Variants in MEFV observed in about 807,000 individuals in gnomAD.
The protein encoded by MEFV is MEFV innate immunity regulator, pyrin, also known as pyrin.
Under a neutral mutation model 62.5 loss-of-function variants are expected in MEFV, and 60 were observed. That is an observed-to-expected ratio of 0.96 (90% CI 0.78 to 1.19). The LOEUF is 1.19. Ranked by LOEUF, MEFV falls within the 50% of genes most tolerant of loss-of-function variation. The pLI is 0.00. For synonymous variants in MEFV, 500 were observed against 415.2 expected (o/e 1.20, Z -2.48); for missense variants, 1,169 against 1,004.5 (o/e 1.16, Z -2.21).
chr16:3,251,001 G>A, intron 2 of MEFV, among the ~76,000 whole-genome samples: 1 of 143,242 alleles, frequency 7.0e-6, no homozygotes, highest in East Asian at 2.0e-4. Flanking sequence ...TCCAGTCTGG[G>A]TGACCAAGAG....
At chr16:3,246,939 C>G (rs1596352542) in intron 5 of MEFV, 77 bp downstream of exon 5, 1 of 1,392,726 alleles carries the variant, frequency 7.2e-7, no homozygotes, top group Non-Finnish European at 1.0e-6. Context: ...TCCAGCACGG[C>G]TGATGGCAGA....
intron 4 of MEFV, chr16:3,247,471 A>G (rs900196152): frequency 3.4e-6 from 2 of 580,452 alleles, no homozygotes; most frequent in African/African-American, 1.9e-5. Context: ...ACCTGGTGTT[A>G]AGGTTTAACT....
intron 2 of MEFV, among the ~76,000 whole-genome samples, chr16:3,250,016 G>C (rs954035112): frequency 1.3e-5 from 2 of 152,232 alleles, no homozygotes; most frequent in Admixed American, 6.5e-5. Flanking sequence ...GAATTCTTGG[G>C]CATTTATCCT....
At chr16:3,247,324 A>G (rs1366465164) in intron 4 of MEFV, 78 bp from the exon 5 acceptor site, 5 of 1,318,524 alleles carry the variant, frequency 3.8e-6, no homozygotes. Flanking sequence ...CCAGAAGCCC[A>G]CCTCCTGGAG....
rs778286164 is a variant in MEFV, at chr16:3,243,357, T to C, written c.2130A>G (p.Leu710=). The stretch of plus-strand genomic sequence containing the variant: ...CCACACGCTTGGGAGGCTCCTTTAT[T>C]AGCAGGCGGGTCGGGGGAACGCTGG... ...QASSVPPTRL[L]IKEPPKRVGI... is the part of the protein sequence containing the mutation. Residue 710 remains leucine (L), a synonymous_variant, in exon 10 of 10, where the codon CTA becomes CTG. Transcript: ENST00000219596. 1 of 1,614,188 alleles carries C rather than the reference T, an allele frequency of 6.2e-7. No individual in the cohort carries two copies. The highest frequency in any genetic ancestry group is 8.5e-7 in the Non-Finnish European group (1 of 1,180,040).
Position 3,242,778 on chromosome 16 carries a change from G to A in MEFV, c.*363C>T, listed in dbSNP as rs1958875449. The A allele has an allele frequency of 5.7e-6, 2 of 348,926 alleles. No homozygotes were observed. The highest frequency in any genetic ancestry group is 8.2e-5 in the Admixed American group (2 of 24,312). 21.6% of individuals were successfully genotyped at this position (348,926 alleles called of 1,614,324 possible). Reference sequence around the variant, plus strand: ...CTAGGCTTCCCATATCCTCAAGACAGAAGCAGAGAGAACAAGGGGACATAT... The same window carrying A: ...CTAGGCTTCCCATATCCTCAAGACAAAAGCAGAGAGAACAAGGGGACATAT... On this transcript the variant is annotated 3_prime_UTR_variant, in exon 10 of 10. Transcript: ENST00000219596.
chr16:3,255,081 C>T (rs1596359016), intron 1 of MEFV, among the ~76,000 whole-genome samples: 1 of 152,300 alleles, frequency 6.6e-6, no homozygotes, highest in East Asian at 1.9e-4. Flanking sequence ...TCTCCAGAGG[C>T]CAAGGTGGGA....
intron 5 of MEFV, 82 bp downstream of exon 5, chr16:3,246,934 C>G: frequency 7.4e-7 from 1 of 1,354,752 alleles, no homozygotes; most frequent in East Asian, 2.3e-5. Context: ...CTTGTTCCAG[C>G]ACGGCTGATG....
chr16:3,245,609 G>A (rs1958930383), intron 6 of MEFV, among the ~76,000 whole-genome samples: 1 of 152,050 alleles, frequency 6.6e-6, no homozygotes, highest in Admixed American at 6.6e-5. Flanking sequence ...ACTCCAGCCT[G>A]GATGACAGAG....
At chr16:3,252,523 A>C (rs543633161) in intron 2 of MEFV, among the ~76,000 whole-genome samples, 11 of 151,782 alleles carry the variant, frequency 7.2e-5, no homozygotes, top group Non-Finnish European at 1.3e-4. Flanking sequence ...ATCCGCCCCC[A>C]TTGGCCTCCC....
chr16:3,253,371 C>A (rs1959065809), intron 2 of MEFV, among the ~76,000 whole-genome samples: 1 of 152,160 alleles, frequency 6.6e-6, no homozygotes, highest in African/African-American at 2.4e-5. Context: ...TATCTCCCTT[C>A]CCCTCCCTGG....
chr16:3,256,424 G>T lies in MEFV; in HGVS notation c.164C>A (p.Thr55Asn), dbSNP rs757933176. The T allele has an allele frequency of 6.2e-7, 1 of 1,614,254 alleles. No homozygotes were observed. The highest frequency in any genetic ancestry group is 1.1e-5 in the South Asian group (1 of 91,090). The change falls in exon 1 of 10, where the codon ACT (threonine) becomes AAT (asparagine). Residue 55 changes from threonine (T) to asparagine (N), a missense_variant. Thr to Asn is a moderately conservative substitution (Grantham distance 65). Coordinates refer to ENST00000219596, the MANE Select transcript of MEFV (RefSeq NM_000243.3). ...IQRARPVKMA[T>N]LLVTYYGEEY... ...TTCCCCATAGTAGGTGACCAGCAGAGTGGCCATCTTCACCGGCCTGGCTCT... is the reference window on the plus strand; with the variant it reads ...TTCCCCATAGTAGGTGACCAGCAGATTGGCCATCTTCACCGGCCTGGCTCT...
At chr16:3,247,384 G>A (rs906666624) in intron 4 of MEFV, 138 bp from the exon 5 acceptor site, 2 of 675,588 alleles carry the variant, frequency 3.0e-6, no homozygotes, top group African/African-American at 3.6e-5. Context: ...AGATTCCAGA[G>A]CAGGAGGCGA....
intron 2 of MEFV, among the ~76,000 whole-genome samples, 200 bp downstream of exon 2, chr16:3,253,958 T>C (rs1220690877): frequency 5.3e-5 from 8 of 151,960 alleles, no homozygotes; most frequent in African/African-American, 9.7e-5. Flanking sequence ...GCCCAACCTT[T>C]GGGTTTTTAT....
rs1226746393 is a variant in MEFV at position 3,254,575 on chromosome 16, C to A, written c.493G>T (p.Ala165Ser). The change falls in exon 2 of 10, where the codon GCC becomes TCC. Residue 165 changes from alanine to serine, a missense_variant. Coordinates refer to ENST00000219596, the MANE Select transcript of MEFV (RefSeq NM_000243.3). The part of the protein sequence containing the change: ...RKPLSKRREK[A>S]SEGLDAQGKP... Reference sequence around the variant, plus strand: ...CCCTGCGCGTCCAGGCCCTCCGAGGCCTTCTCTCTGCGTTTGCTCAGGGGC... The same window carrying A: ...CCCTGCGCGTCCAGGCCCTCCGAGGACTTCTCTCTGCGTTTGCTCAGGGGC... 4 of 1,582,748 alleles carry A rather than the reference C, an allele frequency of 2.5e-6. No individual in the cohort carries two copies. In the Admixed American group the frequency reaches 5.4e-5, roughly 21 times the overall value.
At chr16:3,248,687 G>A (rs552334764) in intron 4 of MEFV, 12 of 1,379,434 alleles carry the variant, frequency 8.7e-6, no homozygotes, top group Non-Finnish European at 1.1e-5. Context: ...TGGTGAGTAT[G>A]AGAAAGCATG....
At chr16:3,252,051 TAAAAA>T in intron 2 of MEFV, 3 of 263,780 alleles carry the variant, frequency 1.1e-5, no homozygotes, top group Non-Finnish European at 1.6e-5. Context: ...ACCCCATATC[TAAAAA>T]AAAAAAAAAA....
rs370801391 is a variant in MEFV, at chr16:3,256,319, G to A, written c.269C>T (p.Ala90Val). The A allele has an allele frequency of 6.2e-7, 1 of 1,613,572 alleles. No homozygotes were observed. The highest frequency in any genetic ancestry group is 1.3e-5 in the African/African-American group (1 of 74,918). ...GGCCTGGGCCCGCTTACCCTGAATG[G>A]CTGCCCTGTGGAGCTCCTCGGCCAG... ...RLLAEELHRA[A>V]IQEYSTQENG... The change falls in exon 1 of 10, where the codon GCC becomes GTC. Residue 90 changes from alanine to valine, a missense_variant. Ala to Val is a moderately conservative substitution (Grantham distance 64). Transcript: ENST00000219596.
At position 3,249,592 on chromosome 16, in the gene MEFV, G is replaced by C. The variant is rs1057519328; in HGVS notation, c.1099C>G (p.Leu367Val). The change falls in exon 3 of 10, where the codon CTA (leucine) becomes GTA (valine). Residue 367 changes from leucine to valine, a missense_variant. Transcript: ENST00000219596. ...CACTGTGGCAGGGGCTGGGGGCTTAGGCTTCCCGGGCTCTTCCTTTCATGG... is the reference window on the plus strand; with the variant it reads ...CACTGTGGCAGGGGCTGGGGGCTTACGCTTCCCGGGCTCTTCCTTTCATGG... ...DSHERKSPGS[L>V]SPQPLPQCKR... 6 of 1,614,058 alleles carry C rather than the reference G, an allele frequency of 3.7e-6. No homozygotes were observed. The highest frequency in any genetic ancestry group is 1.7e-5 in the Admixed American group (1 of 60,008).
Sources: allele counts gnomAD v4.1 joint callset (sites outside exome capture counted in the v4.1 genomes callset), GRCh38; gene constraint gnomAD v4.1.1; transcripts MANE v1.5; gene names NCBI Gene and HGNC (gene_info 2026-07-23, HGNC 2026-07-21).